ADAMTSL3: variants seen among roughly 807,000 people sequenced by gnomAD.
ADAMTSL3 encodes ADAMTS-like protein 3.
ADAMTSL3 carries 128 observed loss-of-function variants against 201.7 expected under a neutral mutation model. The ratio of observed to expected loss-of-function variants is 0.63; its 90% CI spans 0.55 to 0.73. ADAMTSL3 has a LOEUF of 0.73. Ranked by LOEUF, ADAMTSL3 falls within the 30% of genes least tolerant of loss-of-function variation. The pLI is 0.00. For synonymous variants in ADAMTSL3, 738 were observed against 748.4 expected, an observed-to-expected ratio of 0.99 and a Z score of 0.23; for missense variants, 1,990 against 2,119.6, an observed-to-expected ratio of 0.94 and a Z score of 1.20.
intron 20 of ADAMTSL3, among the ~76,000 whole-genome samples, chr15:83,979,675 A>T (rs1445232124): frequency 6.6e-6 from 1 of 152,252 alleles, no homozygotes; most frequent in Non-Finnish European, 1.5e-5. Context: ...AATTACTCAG[A>T]GTAAAGTATA....
At chr15:83,910,652 T>G (rs1164653636) in intron 15 of ADAMTSL3, among the ~76,000 whole-genome samples, 1 of 115,074 alleles carries the variant, frequency 8.7e-6, no homozygotes, top group Non-Finnish European at 1.8e-5. Context: ...TTTTTTTTTT[T>G]GAGATGGAGT....
intron 3 of ADAMTSL3, among the ~76,000 whole-genome samples, chr15:83,734,642 G>C (rs1267504182): frequency 6.6e-6 from 1 of 152,098 alleles, no homozygotes; most frequent in Non-Finnish European, 1.5e-5. Flanking sequence ...TTTCTGGGAG[G>C]GTTGATGCTC....
chr15:83,940,206 A>G (rs2066532334), intron 17 of ADAMTSL3, among the ~76,000 whole-genome samples: 1 of 152,186 alleles, frequency 6.6e-6, no homozygotes, highest in Admixed American at 6.5e-5. Flanking sequence ...TCTTTGGCCC[A>G]TGCGCAATTT....
intron 20 of ADAMTSL3, among the ~76,000 whole-genome samples, chr15:83,972,634 G>A (rs1383471710): frequency 6.6e-6 from 1 of 151,920 alleles, no homozygotes; most frequent in East Asian, 1.9e-4. Flanking sequence ...GTTGTAGGGA[G>A]AAAGAAAAAA....
At position 83,982,485 on chromosome 15, in the gene ADAMTSL3, C is replaced by T. The variant is rs761853638; in HGVS notation, c.2857C>T (p.Leu953=). 9.9e-6 allele frequency: 16 copies of T among 1,614,176 alleles called. No individual in the cohort carries two copies. In the South Asian group the frequency reaches 1.8e-4, roughly 18 times the overall value. Residue 953 remains leucine, a synonymous_variant, in exon 21 of 30, where the codon CTG becomes TTG. Transcript: ENST00000286744. The part of the protein sequence containing the change: ...LIQWEKDGRC[L]QNSKRLGITK... ...CCAGTGGGAGAAGGATGGCCGTTGC[C>T]TGCAGAACTCCAAACGGCTTGGCAT...
At chr15:83,763,623 G>C (rs2062844301) in intron 3 of ADAMTSL3, among the ~76,000 whole-genome samples, 1 of 151,568 alleles carries the variant, frequency 6.6e-6, no homozygotes, top group African/African-American at 2.4e-5. Context: ...TCCGGCCTCA[G>C]CCTCCTGAGT....
At chr15:84,009,525 C>T (rs749186697) in intron 23 of ADAMTSL3, among the ~76,000 whole-genome samples, 2 of 152,058 alleles carry the variant, frequency 1.3e-5, no homozygotes, top group African/African-American at 2.4e-5. Flanking sequence ...GCATTGGGTC[C>T]AATAGTTACC....
At chr15:83,799,670 A>G (rs2063486863) in intron 4 of ADAMTSL3, among the ~76,000 whole-genome samples, 2 of 152,162 alleles carry the variant, frequency 1.3e-5, no homozygotes, top group African/African-American at 2.4e-5. Context: ...GAATCAACAT[A>G]TGTTTTTTAT....
At chr15:83,817,691 A>G (rs927708369) in intron 5 of ADAMTSL3, among the ~76,000 whole-genome samples, 3 of 152,230 alleles carry the variant, frequency 2.0e-5, no homozygotes, top group Admixed American at 1.3e-4. Context: ...GATATAAAAC[A>G]AGACATTTTT....
chr15:83,913,242 A>C lies in ADAMTSL3; in HGVS notation c.1851A>C (p.Glu617Asp). The change falls in exon 16 of 30, where the codon GAA becomes GAC. Residue 617 changes from glutamate to aspartate, a missense_variant. Coordinates refer to ENST00000286744, the MANE Select transcript of ADAMTSL3 (RefSeq NM_207517.3). ...EECEGPKLPT[E>D]RPCLLEACDE... ...GTGAAGGCCCCAAGCTGCCCACCGA[A>C]CGGCCCTGCCTCCTGGAAGCATGTG... The C allele has an allele frequency of 6.2e-7, 1 of 1,614,104 alleles. No homozygotes were observed. The highest frequency in any genetic ancestry group is 8.5e-7 in the Non-Finnish European group (1 of 1,180,008).
At chr15:83,789,421 G>A (rs1269213808) in intron 4 of ADAMTSL3, among the ~76,000 whole-genome samples, 2 of 150,984 alleles carry the variant, frequency 1.3e-5, no homozygotes, top group Admixed American at 1.3e-4. Context: ...CTCCCAAATT[G>A]CTGTTTTCTT....
intron 23 of ADAMTSL3, among the ~76,000 whole-genome samples, chr15:84,008,438 A>G (rs1453521157): frequency 6.6e-6 from 1 of 152,114 alleles, no homozygotes; most frequent in Non-Finnish European, 1.5e-5. Flanking sequence ...TCGTTTGACT[A>G]CACTAGCATT....
intron 23 of ADAMTSL3, among the ~76,000 whole-genome samples, chr15:84,008,612 T>C (rs879698580): frequency 6.6e-6 from 1 of 152,154 alleles, no homozygotes; most frequent in Non-Finnish European, 1.5e-5. Context: ...CTTCTCTATA[T>C]ATACTCTCTC....
At chr15:83,850,479 TG>T (rs2064589374) in intron 7 of ADAMTSL3, among the ~76,000 whole-genome samples, 1 of 150,352 alleles carries the variant, frequency 6.7e-6, no homozygotes, top group Non-Finnish European at 1.5e-5. Context: ...TGTATGTATA[TG>T]GGTGTATAAT....
chr15:83,858,708 A>G, intron 7 of ADAMTSL3, 58 bp from the exon 8 acceptor site: 2 of 1,380,418 alleles, frequency 1.4e-6, no homozygotes, highest in Non-Finnish European at 2.0e-6. Context: ...TGACTTGCTC[A>G]TTTTCATGGG....
At chr15:83,815,874 A>C (rs2141896462) in intron 5 of ADAMTSL3, among the ~76,000 whole-genome samples, 1 of 152,264 alleles carries the variant, frequency 6.6e-6, no homozygotes, top group Admixed American at 6.5e-5. Flanking sequence ...TGACCTACCT[A>C]GTTCAAAGGG....
At chr15:83,664,636 GT>G (rs1470745626) in intron 2 of ADAMTSL3, among the ~76,000 whole-genome samples, 2 of 152,160 alleles carry the variant, frequency 1.3e-5, no homozygotes, top group African/African-American at 2.4e-5. Context: ...TTGATGCTGT[GT>G]TTGAAGACTA....
At chr15:83,992,710 G>A (rs117129956) in intron 23 of ADAMTSL3, among the ~76,000 whole-genome samples, 70 of 152,288 alleles carry the variant, frequency 4.6e-4, no homozygotes, top group Non-Finnish European at 9.7e-4. Flanking sequence ...ATTTGCTATC[G>A]GAAGTCAAAG....
chr15:83,886,378 A>T lies in ADAMTSL3; in HGVS notation c.1072+1166A>T, dbSNP rs578024766. Among the ~76,000 whole-genome samples, 3 of 152,300 alleles carry T rather than the reference A, an allele frequency of 2.0e-5. No homozygotes were observed. In the South Asian group the frequency reaches 6.2e-4, roughly 32 times the overall value. On this transcript the variant is annotated intron_variant, in intron 10 of 29. Coordinates refer to ENST00000286744, the MANE Select transcript of ADAMTSL3 (RefSeq NM_207517.3). ...GGGTTAGATGTTCATAATCACATTT[A>T]TTCTTGACGAAAACCCTAAGGAAGG... is the stretch of plus-strand genomic sequence containing the variant.
Sources: allele counts gnomAD v4.1 joint callset (sites outside exome capture counted in the v4.1 genomes callset), GRCh38; gene constraint gnomAD v4.1.1; transcripts MANE v1.5; gene names NCBI Gene and HGNC (gene_info 2026-07-23, HGNC 2026-07-21).